The following EPM2A variants were observed in gnomAD, a reference collection of about 807,000 sequenced individuals.
The protein encoded by EPM2A is EPM2A glucan phosphatase, laforin, also known as laforin.
A neutral mutation model predicts 26.5 loss-of-function variants in EPM2A; 21 were observed. That is an observed-to-expected ratio of 0.79 (90% CI 0.56 to 1.14). The LOEUF (loss-of-function observed/expected upper bound fraction) is 1.14, where lower values mean the gene tolerates loss of function less well. EPM2A is among the 50% of genes most tolerant of loss of function. The probability of loss-of-function intolerance (pLI) is 0.00; values close to 1 mark genes in which losing one functional copy is unlikely to be tolerated. For synonymous variants in EPM2A, 217 were observed against 177.6 expected, an observed-to-expected ratio of 1.22 and a Z score of -1.76; for missense variants, 458 against 440.8, an observed-to-expected ratio of 1.04 and a Z score of -0.35.
At chr6:145,471,964 C>G (rs1479341250) in intron 4 of EPM2A, among the ~76,000 whole-genome samples, 1 of 151,354 alleles carries the variant, frequency 6.6e-6, no homozygotes, top group Non-Finnish European at 1.5e-5. Flanking sequence ...CCTCCCCTAA[C>G]TGCAGGCACA....
chr6:145,446,377 C>CTGGTATAATATGCT (rs1429861166), intron 4 of EPM2A, among the ~76,000 whole-genome samples: 7 of 152,102 alleles, frequency 4.6e-5, no homozygotes, highest in Admixed American at 6.6e-5. Flanking sequence ...ATAACTAGAT[C>CTGGTATAATATGCT]ATCAGTGGGC....
chr6:145,561,154 T>C (rs1434932822), intron 2 of EPM2A, among the ~76,000 whole-genome samples: 1 of 52,696 alleles, frequency 1.9e-5, no homozygotes, highest in Admixed American at 1.6e-4. Flanking sequence ...CTTTTATACC[T>C]TTTTTTTTTT....
intron 2 of EPM2A, among the ~76,000 whole-genome samples, chr6:145,518,945 A>T (rs929140114): frequency 4.3e-5 from 2 of 46,024 alleles, no homozygotes; most frequent in Non-Finnish European, 1.0e-4. Context: ...AGAAGCAGTG[A>T]GAGAGAAAGA....
At chr6:145,435,853 T>A (rs569553002) in intron 4 of EPM2A, among the ~76,000 whole-genome samples, 27 of 152,218 alleles carry the variant, frequency 1.8e-4, no homozygotes, top group Admixed American at 1.4e-3. Context: ...GTGCTAAAAA[T>A]ATAGAGAGTT....
chr6:145,524,253 T>C (rs1340389204), intron 2 of EPM2A, among the ~76,000 whole-genome samples: 1 of 152,180 alleles, frequency 6.6e-6, no homozygotes, highest in Admixed American at 6.6e-5. Flanking sequence ...CATATGAGTG[T>C]ATGTGTCTTT....
chr6:145,392,589 C>G (rs1183110393), intron 4 of EPM2A, among the ~76,000 whole-genome samples: 1 of 152,106 alleles, frequency 6.6e-6, no homozygotes, highest in Non-Finnish European at 1.5e-5. Flanking sequence ...GCTCAAATTA[C>G]AGGGGGCCAC....
intron 4 of EPM2A, among the ~76,000 whole-genome samples, chr6:145,465,732 G>A (rs1779382869): frequency 6.6e-6 from 1 of 152,048 alleles, no homozygotes; most frequent in South Asian, 2.1e-4. Context: ...CCGGCCGTGT[G>A]AGGTGTCAGT....
intron 4 of EPM2A, chr6:145,491,162 T>C (rs1050864935): frequency 8.1e-5 from 43 of 529,454 alleles, no homozygotes; most frequent in Admixed American, 7.8e-4. Flanking sequence ...TCTTTGTTCC[T>C]GACTTCAAGG....
chr6:145,709,745 A>G (rs1782434756), intron 1 of EPM2A, among the ~76,000 whole-genome samples: 1 of 152,176 alleles, frequency 6.6e-6, no homozygotes, highest in South Asian at 2.1e-4. Context: ...GAGAAGAAAC[A>G]CAAAGTAGTT....
chr6:145,485,954 A>G (rs1779666052), intron 4 of EPM2A, among the ~76,000 whole-genome samples: 2 of 152,192 alleles, frequency 1.3e-5, no homozygotes, highest in African/African-American at 4.8e-5. Flanking sequence ...AACTGCCCTC[A>G]TGATTCGGTT....
chr6:145,467,312 G>C (rs895015042), intron 4 of EPM2A, among the ~76,000 whole-genome samples: 1 of 152,068 alleles, frequency 6.6e-6, no homozygotes, highest in Non-Finnish European at 1.5e-5. Context: ...TCAAAAAGTT[G>C]TCCCACTACT....
downstream of EPM2A, among the ~76,000 whole-genome samples, chr6:145,497,728 A>T (rs1012608924): frequency 6.6e-6 from 1 of 152,234 alleles, no homozygotes; most frequent in African/African-American, 2.4e-5. Flanking sequence ...TGGCCAGAGA[A>T]CATCGACCCA....
At chr6:145,710,096 C>T (rs1417745110) in intron 1 of EPM2A, among the ~76,000 whole-genome samples, 5 of 152,004 alleles carry the variant, frequency 3.3e-5, no homozygotes, top group African/African-American at 1.2e-4. Flanking sequence ...GCAATGGCAA[C>T]AAAAGCCAAA....
intron 2 of EPM2A, among the ~76,000 whole-genome samples, chr6:145,607,520 G>T (rs1034494592): frequency 6.6e-6 from 1 of 152,126 alleles, no homozygotes; most frequent in Non-Finnish European, 1.5e-5. Context: ...GGGGTAAAAC[G>T]ATAGGTGAAG....
chr6:145,453,207 G>T (rs993417231), intron 4 of EPM2A, among the ~76,000 whole-genome samples: 1 of 152,106 alleles, frequency 6.6e-6, no homozygotes, highest in Non-Finnish European at 1.5e-5. Flanking sequence ...ACAGCGTAAT[G>T]TCATCTTTAA....
intron 2 of EPM2A, among the ~76,000 whole-genome samples, chr6:145,515,285 A>T (rs982731882): frequency 8.5e-5 from 13 of 152,296 alleles, no homozygotes; most frequent in African/African-American, 2.9e-4. Flanking sequence ...AATTTTCTAG[A>T]ACTGAAATAA....
At chr6:145,686,006 G>T in intron 2 of EPM2A, 116 bp downstream of exon 2, 1 of 859,534 alleles carries the variant, frequency 1.2e-6, no homozygotes, top group Admixed American at 2.0e-5. Flanking sequence ...AGTACTACAG[G>T]CCTATAGACC....
At chr6:145,399,132 C>G (rs1441269425) in intron 4 of EPM2A, among the ~76,000 whole-genome samples, 1 of 152,064 alleles carries the variant, frequency 6.6e-6, no homozygotes, top group Non-Finnish European at 1.5e-5. Flanking sequence ...GCCAACAATA[C>G]TTACGTTTAC....
chr6:145,705,378 C>T (rs1349294666), intron 1 of EPM2A, among the ~76,000 whole-genome samples: 2 of 152,106 alleles, frequency 1.3e-5, no homozygotes, highest in African/African-American at 4.8e-5. Flanking sequence ...TAGATATACA[C>T]ATGCACACAC....
Sources: allele counts gnomAD v4.1 joint callset (sites outside exome capture counted in the v4.1 genomes callset), GRCh38; gene constraint gnomAD v4.1.1; transcripts MANE v1.5; gene names NCBI Gene and HGNC (gene_info 2026-07-23, HGNC 2026-07-21).